Variants in DCUN1D5 observed in about 807,000 individuals in gnomAD.
DCUN1D5 encodes the protein defective in cullin neddylation 1 domain containing 5, also known as DCN1-like protein 5.
DCUN1D5 carries 10 observed loss-of-function variants against 38.3 expected under a neutral mutation model. The ratio of observed to expected loss-of-function variants is 0.26; its 90% CI spans 0.16 to 0.44. The LOEUF is 0.44. Among genes scored for constraint, DCUN1D5 ranks in the 20% least tolerant of loss-of-function variants. The pLI is 1.00. For missense variants in DCUN1D5, 148 were observed against 275.3 expected, an observed-to-expected ratio of 0.54 and a Z score of 3.27; for synonymous variants, 93 against 90.9, an observed-to-expected ratio of 1.02 and a Z score of -0.13.
At position 103,054,700 on chromosome 11, in the gene DCUN1D5, T is replaced by G; in HGVS notation, c.*7659A>C. On this transcript the variant is annotated 3_prime_UTR_variant, in exon 8 of 8. Coordinates refer to ENST00000260247, the MANE Select transcript of DCUN1D5 (RefSeq NM_032299.4). Reference sequence around the variant, plus strand: ...TCTGACTGGCTTTAATATTCATATATGTGGTGGAAGACCCTCTATATCAAA... The same window carrying G: ...TCTGACTGGCTTTAATATTCATATAGGTGGTGGAAGACCCTCTATATCAAA... 6.6e-6 allele frequency: 1 copy of G among 152,124 alleles called. No homozygotes were observed. Among genetic ancestry groups the G allele is most frequent in the Middle Eastern group, 3.2e-3 (1 of 316 alleles). The allele number at this position is 152,124 out of a possible 1,614,324, so 9.4% of individuals were successfully genotyped here. A position where few individuals can be genotyped will look rare whatever the true frequency, so the allele number is the denominator to read the frequency against.
chr11:103,055,117 A>G lies in DCUN1D5; in HGVS notation c.*7242T>C, dbSNP rs560042369. ...TATACACTTTTTACACATAGCCTGCAGCTAATTTTATTTTTCTCTTGGGAA... is the reference window on the plus strand; with the variant it reads ...TATACACTTTTTACACATAGCCTGCGGCTAATTTTATTTTTCTCTTGGGAA... On this transcript the variant is annotated 3_prime_UTR_variant, in exon 8 of 8. Transcript: ENST00000260247. 6.6e-6 allele frequency: 1 copy of G among 152,170 alleles called. No homozygotes were observed. The highest frequency in any genetic ancestry group is 6.5e-5 in the Admixed American group (1 of 15,270). The allele number at this position is 152,170 out of a possible 1,614,324, so 9.4% of individuals were successfully genotyped here.
chr11:103,070,783 T>C (rs1038036150), intron 4 of DCUN1D5, among the ~76,000 whole-genome samples: 10 of 152,096 alleles, frequency 6.6e-5, no homozygotes, highest in Non-Finnish European at 1.3e-4. Flanking sequence ...TCTTTTCAAG[T>C]GCCCACAAAA....
At chr11:103,072,319 A>G (rs1277481212) in intron 4 of DCUN1D5, among the ~76,000 whole-genome samples, 1 of 140,920 alleles carries the variant, frequency 7.1e-6, no homozygotes, top group Non-Finnish European at 1.6e-5. Context: ...CAGTGTGGTG[A>G]TTCCTCAAGG....
rs1862147096 is a variant in DCUN1D5, at chr11:103,066,888, G to A, written c.342-321C>T. On this transcript the variant is annotated intron_variant, in intron 4 of 7. Coordinates refer to ENST00000260247, the MANE Select transcript of DCUN1D5 (RefSeq NM_032299.4). The surrounding 1 kb of genome is among the most constrained non-coding windows in gnomAD (Gnocchi z 4.7). ...GTTAAAAAGAGATGTATTAAAACAT[G>A]TTTTATCACATATACAGCTAAAAAT... 6.6e-6 allele frequency among the ~76,000 whole-genome samples: 1 copy of A among 152,158 alleles called. No homozygotes were observed. The highest frequency in any genetic ancestry group is 2.1e-4 in the South Asian group (1 of 4,830).
Position 103,051,821 on chromosome 11 carries a change from C to T in DCUN1D5, c.*10538G>A, listed in dbSNP as rs1861746075. On this transcript the variant is annotated 3_prime_UTR_variant, in exon 8 of 8. Transcript: ENST00000260247. ...GAACACAGATCTCTGAACTCCAAAC[C>T]CAGGGCTCTTTCCAGCCTTCCTTAC... is the stretch of plus-strand genomic sequence containing the variant. 6.6e-6 allele frequency: 1 copy of T among 152,114 alleles called. No homozygotes were observed. Among genetic ancestry groups the T allele is most frequent in the Non-Finnish European group, 1.5e-5 (1 of 68,030 alleles). 9.4% of individuals were successfully genotyped at this position (152,114 alleles called of 1,614,324 possible). A position where few individuals can be genotyped will look rare whatever the true frequency, so the allele number is the denominator to read the frequency against.
rs748341407 is a variant in DCUN1D5 at position 103,087,717 on chromosome 11, A to G, written c.178+1510T>C. Among the ~76,000 whole-genome samples the G allele has an allele frequency of 2.0e-5, 3 of 152,240 alleles. No homozygotes were observed. Among genetic ancestry groups the G allele is most frequent in the Non-Finnish European group, 4.4e-5 (3 of 68,046 alleles). On this transcript the variant is annotated intron_variant, in intron 2 of 7. Coordinates refer to ENST00000260247, the MANE Select transcript of DCUN1D5 (RefSeq NM_032299.4). The surrounding 1 kb of genome is among the most constrained non-coding windows in gnomAD (Gnocchi z 4.1). ...CTTAATAGAACAGTCACAAGAAAAA[A>G]TAATATACCTGGGACAATTCCTGGA...
In DCUN1D5 at chr11:103,062,211, A is replaced by C. The variant is rs1006269846; in HGVS notation, c.*148T>G. 1.4e-6 allele frequency: 1 copy of C among 702,994 alleles called. No homozygotes were observed. The highest frequency in any genetic ancestry group is 2.7e-5 in the East Asian group (1 of 37,678). The allele number at this position is 702,994 out of a possible 1,614,324, so 43.5% of individuals were successfully genotyped here. On this transcript the variant is annotated 3_prime_UTR_variant, in exon 8 of 8. Transcript: ENST00000260247. The surrounding 1 kb of genome is among the most constrained non-coding windows in gnomAD (Gnocchi z 4.6). Reference sequence around the variant, plus strand: ...AATGCCCATCACATGTAACAAGAAAAACCTCCTTTAAAAAAAGGAAAAAAA... The same window carrying C: ...AATGCCCATCACATGTAACAAGAAACACCTCCTTTAAAAAAAGGAAAAAAA...
intron 1 of DCUN1D5, among the ~76,000 whole-genome samples, chr11:103,089,931 T>G (rs1370809481): frequency 2.0e-5 from 3 of 151,864 alleles, no homozygotes; most frequent in Non-Finnish European, 4.4e-5. Flanking sequence ...TTCTGTTCAT[T>G]CTATTTCATT....
chr11:103,072,342 ATCT>A (rs1862294480), intron 4 of DCUN1D5, among the ~76,000 whole-genome samples: 1 of 78,332 alleles, frequency 1.3e-5, no homozygotes, highest in Non-Finnish European at 2.7e-5. Context: ...CTAGAACTAG[ATCT>A]AGATCTAGAT....
rs1386117704 is a variant in DCUN1D5 at position 103,077,841 on chromosome 11, G to A, written c.341+4907C>T. Among the ~76,000 whole-genome samples the A allele has an allele frequency of 6.6e-6, 1 of 152,052 alleles. No homozygotes were observed. On this transcript the variant is annotated intron_variant, in intron 4 of 7. Transcript: ENST00000260247. The surrounding 1 kb of genome is among the most constrained non-coding windows in gnomAD (Gnocchi z 4.3). ...CAGAACAATACCATCTACTTCTAGG[G>A]GTATTTGAAAATGTGCAGAGGGGCA... is the stretch of plus-strand genomic sequence containing the variant.
rs1458679112 is a variant in DCUN1D5, at chr11:103,071,592, T to A, written c.342-5025A>T. On this transcript the variant is annotated intron_variant, in intron 4 of 7. Coordinates refer to ENST00000260247, the MANE Select transcript of DCUN1D5 (RefSeq NM_032299.4). The surrounding 1 kb of genome is among the most constrained non-coding windows in gnomAD (Gnocchi z 4.1). ...ATATAATCTATATCTATGTAAATAT[T>A]TTATATAGAGATTTTACACAGATTT... Among the ~76,000 whole-genome samples the A allele has an allele frequency of 2.0e-5, 3 of 150,162 alleles. No individual in the cohort carries two copies. The highest frequency in any genetic ancestry group is 4.4e-5 in the Non-Finnish European group (3 of 67,536).
chr11:103,081,871 A>G (rs966941312), intron 4 of DCUN1D5, among the ~76,000 whole-genome samples: 1 of 152,166 alleles, frequency 6.6e-6, no homozygotes, highest in Non-Finnish European at 1.5e-5. Context: ...AGTGCCTCAT[A>G]AACAAATACT....
In DCUN1D5 at chr11:103,086,296, T is replaced by C. The variant is rs1038553159; in HGVS notation, c.178+2931A>G. 6.6e-6 allele frequency among the ~76,000 whole-genome samples: 1 copy of C among 152,222 alleles called. No individual in the cohort carries two copies. Among genetic ancestry groups the C allele is most frequent in the Admixed American group, 6.5e-5 (1 of 15,286 alleles). ...CAGTAAATCTGATGCTGTAATGCTA[T>C]TACTGTTTTAATAATAATAACATTT... On this transcript the variant is annotated intron_variant, in intron 2 of 7. Coordinates refer to ENST00000260247, the MANE Select transcript of DCUN1D5 (RefSeq NM_032299.4). This position sits in a 1 kb window ranked among gnomAD's most constrained non-coding sequence, Gnocchi z 4.1.
rs1346210059 is a variant in DCUN1D5, at chr11:103,083,847, T to C, written c.179-521A>G. Among the ~76,000 whole-genome samples, 4 of 152,198 alleles carry C rather than the reference T, an allele frequency of 2.6e-5. No homozygotes were observed. On this transcript the variant is annotated intron_variant, in intron 2 of 7. Coordinates refer to ENST00000260247, the MANE Select transcript of DCUN1D5 (RefSeq NM_032299.4). The surrounding 1 kb of genome is among the most constrained non-coding windows in gnomAD (Gnocchi z 4.4). Reference sequence around the variant, plus strand: ...AATTATTGAAAAAGACAAAGGTATTTTGAAAATAATGACTTATGGAAATTA... The same window carrying C: ...AATTATTGAAAAAGACAAAGGTATTCTGAAAATAATGACTTATGGAAATTA...
rs1480700514 is a variant in DCUN1D5, at chr11:103,071,349, C to T, written c.342-4782G>A. On this transcript the variant is annotated intron_variant, in intron 4 of 7. Coordinates refer to ENST00000260247, the MANE Select transcript of DCUN1D5 (RefSeq NM_032299.4). The surrounding 1 kb of genome is among the most constrained non-coding windows in gnomAD (Gnocchi z 4.1). ...TCAGGAATGAAATGGGGTATTATTACAGACCCACAGCTATCAAAAGCATAG... is the reference window on the plus strand; with the variant it reads ...TCAGGAATGAAATGGGGTATTATTATAGACCCACAGCTATCAAAAGCATAG... Among the ~76,000 whole-genome samples, 2 of 151,892 alleles carry T rather than the reference C, an allele frequency of 1.3e-5. No homozygotes were observed. The highest frequency in any genetic ancestry group is 4.8e-5 in the African/African-American group (2 of 41,418).
intron 1 of DCUN1D5, among the ~76,000 whole-genome samples, chr11:103,090,151 T>C (rs998683626): frequency 6.6e-6 from 1 of 152,190 alleles, no homozygotes; most frequent in Non-Finnish European, 1.5e-5. Flanking sequence ...TAGAGCAAAG[T>C]ATCACCTGAG....
In DCUN1D5 at chr11:103,056,479, A is replaced by C. The variant is rs759674976; in HGVS notation, c.*5880T>G. 6.6e-6 allele frequency among the ~76,000 whole-genome samples: 1 copy of C among 152,086 alleles called. No homozygotes were observed. Among genetic ancestry groups the C allele is most frequent in the Non-Finnish European group, 1.5e-5 (1 of 68,016 alleles). On this transcript the variant is annotated 3_prime_UTR_variant, in exon 8 of 8. Coordinates refer to ENST00000260247, the MANE Select transcript of DCUN1D5 (RefSeq NM_032299.4). The surrounding 1 kb of genome is among the most constrained non-coding windows in gnomAD (Gnocchi z 4.9). ...TCCTCAGGCCTCTGCTCAATGTCAC[A>C]TATCAGTGTACATGCTACTTAATAG... is the stretch of plus-strand genomic sequence containing the variant.
At chr11:103,088,634 C>G (rs900264591) in intron 2 of DCUN1D5, among the ~76,000 whole-genome samples, 2 of 152,244 alleles carry the variant, frequency 1.3e-5, no homozygotes, top group African/African-American at 4.8e-5. Flanking sequence ...TATGAACTCT[C>G]ACAGTGTATC....
In DCUN1D5 at chr11:103,055,324, T is replaced by A. The variant is rs933654361; in HGVS notation, c.*7035A>T. The A allele has an allele frequency of 1.3e-5, 2 of 152,174 alleles. No individual in the cohort carries two copies. Among genetic ancestry groups the A allele is most frequent in the Non-Finnish European group, 2.9e-5 (2 of 68,020 alleles). 9.4% of individuals were successfully genotyped at this position (152,174 alleles called of 1,614,324 possible). A position where few individuals can be genotyped will look rare whatever the true frequency, so the allele number is the denominator to read the frequency against. ...CGCTGTTTGGCTATATTAATTCATG[T>A]AGAACTCTTCACAATCTAGAAGCAA... is the stretch of plus-strand genomic sequence containing the variant. On this transcript the variant is annotated 3_prime_UTR_variant, in exon 8 of 8. Coordinates refer to ENST00000260247, the MANE Select transcript of DCUN1D5 (RefSeq NM_032299.4).
Sources: allele counts gnomAD v4.1 joint callset (sites outside exome capture counted in the v4.1 genomes callset), GRCh38; gene constraint gnomAD v4.1.1; non-coding constraint Gnocchi (gnomAD v3.1); transcripts MANE v1.5; gene names NCBI Gene and HGNC (gene_info 2026-07-23, HGNC 2026-07-21).